The following FAR2 variants were observed in gnomAD, a reference collection of about 807,000 sequenced individuals.
FAR2 encodes the protein fatty acyl-CoA reductase 2.
A neutral mutation model predicts 56.0 loss-of-function variants in FAR2; 19 were observed. The ratio of observed to expected loss-of-function variants is 0.34; its 90% confidence interval spans 0.24 to 0.50. The LOEUF (loss-of-function observed/expected upper bound fraction) is 0.50, where lower values mean the gene tolerates loss of function less well. FAR2 is among the 20% of genes least tolerant of loss of function. The pLI, the probability that FAR2 is intolerant of heterozygous loss-of-function variation, is 0.98. For synonymous variants in FAR2, 219 were observed against 218.8 expected, an observed-to-expected ratio of 1.00 and a Z score of -0.01; for missense variants, 508 against 642.2, an observed-to-expected ratio of 0.79 and a Z score of 2.26.
chr12:29,283,418 A>T (rs1948817704), intron 2 of FAR2, among the ~76,000 whole-genome samples: 1 of 152,198 alleles, frequency 6.6e-6, no homozygotes, highest in South Asian at 2.1e-4. Context: ...TCTATCTTCC[A>T]CATTTTCCAA....
intron 1 of FAR2, among the ~76,000 whole-genome samples, chr12:29,180,721 TTATCTATC>T (rs59448421): frequency 0.028 from 4,118 of 146,556 alleles, 65 homozygotes; most frequent in Middle Eastern, 0.045. Flanking sequence ...TATTCATTGT[TTATCTATC>T]TATCTATCTA....
At chr12:29,246,167 C>A (rs1221283435) in intron 1 of FAR2, among the ~76,000 whole-genome samples, 2 of 151,780 alleles carry the variant, frequency 1.3e-5, no homozygotes, top group African/African-American at 4.8e-5. Context: ...CCCTTTCATG[C>A]CAGGGTAATA....
At chr12:29,187,515 A>G (rs1950055486) in intron 1 of FAR2, among the ~76,000 whole-genome samples, 1 of 152,174 alleles carries the variant, frequency 6.6e-6, no homozygotes, top group East Asian at 1.9e-4. Flanking sequence ...TTGAGCCTGT[A>G]CATGTCAGGT....
At chr12:29,185,114 GAC>G (rs2136601366) in intron 1 of FAR2, among the ~76,000 whole-genome samples, 1 of 152,232 alleles carries the variant, frequency 6.6e-6, no homozygotes, top group South Asian at 2.1e-4. Context: ...ACCTCAGTAA[GAC>G]ATAATTCTCT....
intron 1 of FAR2, among the ~76,000 whole-genome samples, chr12:29,263,978 T>C (rs1948469014): frequency 6.6e-6 from 1 of 152,046 alleles, no homozygotes; most frequent in African/African-American, 2.4e-5. Flanking sequence ...ATTACCCTGA[T>C]ACCAAAACCA....
At chr12:29,302,236 G>T in intron 4 of FAR2, among the ~76,000 whole-genome samples, 1 of 93,080 alleles carries the variant, frequency 1.1e-5, no homozygotes, top group South Asian at 4.2e-4. Flanking sequence ...CATCTCAAAG[G>T]AAAAAAAAAA....
rs1401976900 is a variant in FAR2, at chr12:29,279,337, C to T, written c.189+8699C>T. Among the ~76,000 whole-genome samples, 3 of 152,222 alleles carry T rather than the reference C, an allele frequency of 2.0e-5. No individual in the cohort carries two copies. In the East Asian group the frequency reaches 5.8e-4, roughly 29 times the overall value. On this transcript the variant is annotated intron_variant, in intron 2 of 11. Coordinates refer to ENST00000536681, the MANE Select transcript of FAR2 (RefSeq NM_001271783.2). ...AAGAGAGAACACTTGCCTCGGACTG[C>T]CTACCACTCACAGGACTTGCCTTTA...
At chr12:29,177,301 G>GTA (rs1168346200) in intron 1 of FAR2, among the ~76,000 whole-genome samples, 1 of 152,172 alleles carries the variant, frequency 6.6e-6, no homozygotes, top group Non-Finnish European at 1.5e-5. Flanking sequence ...GGGGGGATCT[G>GTA]TAGTTTCCAA....
chr12:29,202,159 A>G (rs1272747340), intron 1 of FAR2, among the ~76,000 whole-genome samples: 2 of 151,882 alleles, frequency 1.3e-5, no homozygotes, highest in South Asian at 2.1e-4. Flanking sequence ...TCTATTAATT[A>G]TCTTATGTTG....
chr12:29,152,726 T>C (rs1949691148), intron 1 of FAR2, among the ~76,000 whole-genome samples: 1 of 152,200 alleles, frequency 6.6e-6, no homozygotes, highest in South Asian at 2.1e-4. Context: ...TATAAGGTAT[T>C]AATTTAAAAT....
At chr12:29,235,134 C>G (rs1947919629) in intron 1 of FAR2, among the ~76,000 whole-genome samples, 1 of 152,178 alleles carries the variant, frequency 6.6e-6, no homozygotes, top group South Asian at 2.1e-4. Context: ...CCTTCTTATT[C>G]ACTATCACCC....
At chr12:29,303,358 T>C (rs1949206797) in intron 4 of FAR2, among the ~76,000 whole-genome samples, 1 of 152,310 alleles carries the variant, frequency 6.6e-6, no homozygotes, top group East Asian at 1.9e-4. Flanking sequence ...ATGAGGATCA[T>C]TTATCTTCTT....
intron 1 of FAR2, among the ~76,000 whole-genome samples, chr12:29,221,815 A>T (rs564648710): frequency 1.3e-5 from 2 of 152,094 alleles, no homozygotes; most frequent in Non-Finnish European, 1.5e-5. Flanking sequence ...ATACAATTAC[A>T]GATGCTGCTC....
chr12:29,203,843 C>G (rs7307501), intron 1 of FAR2, among the ~76,000 whole-genome samples: 27,270 of 151,092 alleles, frequency 0.18, 2,553 homozygotes, highest in Non-Finnish European at 0.21. Context: ...ACTAAAAATA[C>G]AAAAAAATTA....
intron 1 of FAR2, among the ~76,000 whole-genome samples, chr12:29,211,589 C>A (rs1947549687): frequency 6.6e-6 from 1 of 152,040 alleles, no homozygotes; most frequent in Non-Finnish European, 1.5e-5. Context: ...AGTAGTTGTG[C>A]CATCATAAGC....
At chr12:29,311,666 T>TCTCA (rs1555123662) in intron 7 of FAR2, among the ~76,000 whole-genome samples, 2,623 of 147,458 alleles carry the variant, frequency 0.018, 81 homozygotes, top group African/African-American at 0.056. Context: ...AACATCTCTT[T>TCTCA]CACACACACA....
At chr12:29,295,982 A>G (rs573930245) in intron 3 of FAR2, among the ~76,000 whole-genome samples, 8 of 150,400 alleles carry the variant, frequency 5.3e-5, no homozygotes, top group Non-Finnish European at 7.4e-5. Flanking sequence ...GTTAGCCAGG[A>G]TGGTCTCGAT....
At position 29,308,713 on chromosome 12, in the gene FAR2, C is replaced by CATATATATATAT. The variant is rs1405698626; in HGVS notation, c.724-472_724-471insTATATATATATA. 8.9e-5 allele frequency among the ~76,000 whole-genome samples: 11 copies of CATATATATATAT among 123,960 alleles called. No individual in the cohort carries two copies. In the South Asian group the frequency reaches 2.3e-3, roughly 26 times the overall value. 81.3% of individuals were successfully genotyped at this position (123,960 alleles called of 152,430 possible). ...AGACACACACACACACACACACACA[C>CATATATATATAT]ACACACATATATATATATATGTATA... On this transcript the variant is annotated intron_variant, in intron 5 of 11. Coordinates refer to ENST00000536681, the MANE Select transcript of FAR2 (RefSeq NM_001271783.2).
chr12:29,230,180 A>T (rs1947834203), intron 1 of FAR2, among the ~76,000 whole-genome samples: 1 of 152,186 alleles, frequency 6.6e-6, no homozygotes, highest in Non-Finnish European at 1.5e-5. Flanking sequence ...GATGACGTAA[A>T]CTACATCAGG....
Sources: allele counts gnomAD v4.1 joint callset (sites outside exome capture counted in the v4.1 genomes callset), GRCh38; gene constraint gnomAD v4.1.1; transcripts MANE v1.5; gene names NCBI Gene and HGNC (gene_info 2026-07-23, HGNC 2026-07-21).